The following SCHIP1 variants were observed in gnomAD, a reference collection of about 807,000 sequenced individuals.
SCHIP1 encodes the protein schwannomin-interacting protein 1.
A neutral mutation model predicts 29.7 loss-of-function variants in SCHIP1; 8 were observed. The observed-to-expected ratio is 0.27, with a 90% CI of 0.16 to 0.49. The LOEUF (loss-of-function observed/expected upper bound fraction) is 0.49. Ranked by LOEUF, SCHIP1 falls within the 20% of genes least tolerant of loss-of-function variation. The probability of loss-of-function intolerance (pLI) is 0.99; values close to 1 mark genes in which losing one functional copy is unlikely to be tolerated. For missense variants in SCHIP1, 193 were observed against 294.6 expected, an observed-to-expected ratio of 0.66 and a Z score of 2.52; for synonymous variants, 76 against 94.9, an observed-to-expected ratio of 0.80 and a Z score of 1.16.
the SCHIP1 span, among the ~76,000 whole-genome samples, chr3:159,432,331 TGTGTGTGTGA>T: frequency 0.031 from 2,760 of 89,938 alleles, 41 homozygotes; most frequent in African/African-American, 0.061. Context: ...TGTGTGTGTG[TGTGTGTGTGA>T]GAGAGAGAGA....
chr3:159,489,083 G>A, the SCHIP1 span, among the ~76,000 whole-genome samples: 962 of 152,268 alleles, frequency 6.3e-3, 14 homozygotes, highest in African/African-American at 0.021. Context: ...CCATAGCACT[G>A]ATTAATTTCA....
chr3:159,442,680 A>G, the SCHIP1 span, among the ~76,000 whole-genome samples: 1 of 152,182 alleles, frequency 6.6e-6, no homozygotes, highest in Non-Finnish European at 1.5e-5. Context: ...CTGGCTGCCC[A>G]TGACAACATG....
the SCHIP1 span, chr3:159,765,311 C>T: frequency 1.3e-5 from 10 of 752,516 alleles, no homozygotes; most frequent in South Asian, 2.0e-5. Flanking sequence ...TAAGGTTGCT[C>T]GGTCTGTGAG....
the SCHIP1 span, among the ~76,000 whole-genome samples, chr3:159,629,162 C>A: frequency 6.6e-6 from 1 of 151,974 alleles, no homozygotes; most frequent in Admixed American, 6.6e-5. Context: ...CACACACACA[C>A]AACTTGATTA....
the SCHIP1 span, among the ~76,000 whole-genome samples, chr3:159,344,888 G>A: frequency 6.6e-6 from 1 of 152,130 alleles, no homozygotes; most frequent in African/African-American, 2.4e-5. Context: ...TGGGAGTTAT[G>A]GGAACTCTGT....
the SCHIP1 span, among the ~76,000 whole-genome samples, chr3:159,590,303 T>C: frequency 1.3e-4 from 20 of 152,238 alleles, no homozygotes; most frequent in Admixed American, 5.2e-4. Context: ...AGCTTTTCAT[T>C]CACCTAAAGC....
rs945649281 is a variant in SCHIP1 at position 159,876,817 on chromosome 3, C to T, written c.150-9390C>T. Among the ~76,000 whole-genome samples, 3 of 152,190 alleles carry T rather than the reference C, an allele frequency of 2.0e-5. No homozygotes were observed. The South Asian group carries it at 6.2e-4, about 32-fold the overall frequency. ...TCCAGCTCTCCACTTAACCACTTTA[C>T]CTGAGAGCTGCCATGTCTCAGCTTT... is the stretch of plus-strand genomic sequence containing the variant. On this transcript the variant is annotated intron_variant, in intron 2 of 6. Coordinates refer to ENST00000445224, the Ensembl canonical transcript of SCHIP1.
At chr3:159,606,366 C>T in the SCHIP1 span, among the ~76,000 whole-genome samples, 1 of 152,050 alleles carries the variant, frequency 6.6e-6, no homozygotes, top group Non-Finnish European at 1.5e-5. Context: ...ATCTATATTG[C>T]CCTTCTTTTT....
At chr3:159,307,585 T>A in the SCHIP1 span, among the ~76,000 whole-genome samples, 2 of 152,154 alleles carry the variant, frequency 1.3e-5, no homozygotes, top group Non-Finnish European at 2.9e-5. Flanking sequence ...AGGTTCCACT[T>A]GTCTATTTTT....
the SCHIP1 span, among the ~76,000 whole-genome samples, chr3:159,799,924 G>C: frequency 1.3e-5 from 2 of 152,082 alleles, no homozygotes; most frequent in Non-Finnish European, 2.9e-5. Flanking sequence ...AGATTTGAGG[G>C]GTAGCTACAC....
At chr3:159,554,137 T>C in the SCHIP1 span, among the ~76,000 whole-genome samples, 1 of 152,150 alleles carries the variant, frequency 6.6e-6, no homozygotes, top group Admixed American at 6.5e-5. Flanking sequence ...CCCAAAGTGC[T>C]GGGATTACAG....
At chr3:159,318,553 C>A in the SCHIP1 span, among the ~76,000 whole-genome samples, 4 of 152,186 alleles carry the variant, frequency 2.6e-5, no homozygotes, top group African/African-American at 9.7e-5. Flanking sequence ...TTGGGTGGTG[C>A]CTGCATATCG....
At chr3:159,832,950 G>A in the SCHIP1 span, among the ~76,000 whole-genome samples, 6 of 152,056 alleles carry the variant, frequency 3.9e-5, no homozygotes, top group African/African-American at 1.2e-4. Context: ...ACCTGTTATT[G>A]TTGTTAATCT....
the SCHIP1 span, among the ~76,000 whole-genome samples, chr3:159,546,115 T>G: frequency 6.6e-6 from 1 of 152,256 alleles, no homozygotes; most frequent in East Asian, 1.9e-4. Flanking sequence ...CACTTTTTAA[T>G]TCTAATGGTT....
the SCHIP1 span, among the ~76,000 whole-genome samples, chr3:159,832,567 A>G: frequency 6.6e-6 from 1 of 152,102 alleles, no homozygotes; most frequent in Non-Finnish European, 1.5e-5. Flanking sequence ...TCCACCCCTA[A>G]CACACGACTA....
chr3:159,355,664 G>A, the SCHIP1 span, among the ~76,000 whole-genome samples: 1 of 151,496 alleles, frequency 6.6e-6, no homozygotes, highest in African/African-American at 2.4e-5. Context: ...ATTCCTCCTG[G>A]CCCCTCCTCT....
chr3:159,281,256 G>A, the SCHIP1 span, among the ~76,000 whole-genome samples: 1 of 152,200 alleles, frequency 6.6e-6, no homozygotes, highest in Non-Finnish European at 1.5e-5. Context: ...AGAAAGGCAG[G>A]AAGACCTGCT....
chr3:159,744,791 C>T, the SCHIP1 span, among the ~76,000 whole-genome samples: 40 of 152,182 alleles, frequency 2.6e-4, no homozygotes, highest in African/African-American at 9.6e-4. Flanking sequence ...TCCTGGCTAA[C>T]ACGGTGAAAC....
chr3:159,591,623 A>G, the SCHIP1 span, among the ~76,000 whole-genome samples: 1 of 152,168 alleles, frequency 6.6e-6, no homozygotes, highest in East Asian at 1.9e-4. Context: ...TTTCCGGGAC[A>G]TGGATGAATC....
Sources: gnomAD v4.1 joint callset for allele counts (sites outside exome capture counted in the v4.1 genomes callset) on GRCh38, gnomAD v4.1.1 for gene constraint, MANE v1.5 for transcripts, NCBI Gene and HGNC (gene_info 2026-07-23, HGNC 2026-07-21) for gene names.